The following ATP2B1 variants were observed in gnomAD, a reference collection of about 807,000 sequenced individuals.
ATP2B1 encodes plasma membrane calcium-transporting ATPase 1.
A neutral mutation model predicts 124.2 loss-of-function variants in ATP2B1; 14 were observed. That is an observed-to-expected ratio of 0.11 (90% CI 0.07 to 0.18). The LOEUF is 0.18. ATP2B1 is among the 10% of genes least tolerant of loss of function. The probability of loss-of-function intolerance (pLI) is 1.00; values close to 1 mark genes in which losing one functional copy is unlikely to be tolerated. For synonymous variants in ATP2B1, 449 were observed against 492.4 expected (o/e 0.91, Z 1.17); for missense variants, 763 against 1,466.1 (o/e 0.52, Z 7.83).
intron 1 of ATP2B1, among the ~76,000 whole-genome samples, chr12:89,682,990 G>T (rs1889541432): frequency 6.6e-6 from 1 of 152,022 alleles, no homozygotes; most frequent in African/African-American, 2.4e-5. Context: ...AGGGAAAAAA[G>T]AATCAAATCT....
chr12:89,681,374 C>T (rs938906328), intron 1 of ATP2B1, among the ~76,000 whole-genome samples: 2 of 139,870 alleles, frequency 1.4e-5, no homozygotes, highest in African/African-American at 5.2e-5. Context: ...AAAGAAAAAT[C>T]CCTATAAATT....
Position 89,642,373 on chromosome 12 carries a change from A to T in ATP2B1, c.209-18T>A. ...ACTTAAACCTAATAAAAAGAAACAA[A>T]TTTCAGTGAACAGTTTTACTTCTTA... On this transcript the variant is annotated intron_variant, in intron 2 of 20. Coordinates refer to ENST00000428670, the MANE Select transcript of ATP2B1 (RefSeq NM_001366521.1). 1 of 1,581,746 alleles carries T rather than the reference A, an allele frequency of 6.3e-7. No individual in the cohort carries two copies. The highest frequency in any genetic ancestry group is 8.6e-7 in the Non-Finnish European group (1 of 1,161,354).
At chr12:89,618,496 T>C (rs147461959) in intron 11 of ATP2B1, among the ~76,000 whole-genome samples, 1 of 152,342 alleles carries the variant, frequency 6.6e-6, no homozygotes, top group Non-Finnish European at 1.5e-5. Flanking sequence ...CTAAACCATC[T>C]ATCTACTACC....
At chr12:89,655,593 C>T in intron 2 of ATP2B1, 86 bp downstream of exon 2, 1 of 1,294,796 alleles carries the variant, frequency 7.7e-7, no homozygotes. Context: ...ATACAATCGC[C>T]AAGATAATAT....
intron 1 of ATP2B1, among the ~76,000 whole-genome samples, chr12:89,707,830 G>A (rs1230196038): frequency 6.6e-6 from 1 of 152,154 alleles, no homozygotes; most frequent in Admixed American, 6.5e-5. Context: ...GGATTCTCCC[G>A]CAGGATGGGA....
At chr12:89,708,860 AAGG>A (rs1166275399), upstream of ATP2B1, 2 of 151,824 alleles carry the variant, frequency 1.3e-5, no homozygotes, top group East Asian at 1.9e-4. Context: ...GGCGGCAGCG[AAGG>A]AGGAGGAGGC....
intron 2 of ATP2B1, among the ~76,000 whole-genome samples, chr12:89,649,990 A>T (rs1015897721): frequency 6.6e-6 from 1 of 152,080 alleles, no homozygotes; most frequent in Non-Finnish European, 1.5e-5. Context: ...CCATGAGTAA[A>T]ATCTCCCTGA....
intron 1 of ATP2B1, among the ~76,000 whole-genome samples, chr12:89,697,463 C>T (rs1891283959): frequency 6.6e-6 from 1 of 152,098 alleles, no homozygotes; most frequent in African/African-American, 2.4e-5. Flanking sequence ...CTCACTTCTG[C>T]TTTTGTAAAA....
Position 89,703,176 on chromosome 12 carries a change from T to C in ATP2B1, c.-222+5420A>G, listed in dbSNP as rs565125575. Among the ~76,000 whole-genome samples the C allele has an allele frequency of 4.6e-5, 7 of 152,318 alleles. No individual in the cohort carries two copies. The East Asian group carries it at 1.3e-3, about 29-fold the overall frequency. Reference sequence around the variant, plus strand: ...TGCAGATACAGGCTATTTGCTATACTGTTATAAATGAAGCAAAAAACAACT... The same window carrying C: ...TGCAGATACAGGCTATTTGCTATACCGTTATAAATGAAGCAAAAAACAACT... On this transcript the variant is annotated intron_variant, in intron 1 of 20. Coordinates refer to ENST00000428670, the MANE Select transcript of ATP2B1 (RefSeq NM_001366521.1).
At chr12:89,677,973 C>CAT (rs1443431391) in intron 1 of ATP2B1, among the ~76,000 whole-genome samples, 6 of 44,696 alleles carry the variant, frequency 1.3e-4, no homozygotes, top group Non-Finnish European at 2.9e-4. Flanking sequence ...TATATATATA[C>CAT]ACACACACAC....
At chr12:89,629,437 G>A (rs796683661) in intron 6 of ATP2B1, among the ~76,000 whole-genome samples, 1 of 152,224 alleles carries the variant, frequency 6.6e-6, no homozygotes, top group African/African-American at 2.4e-5. Flanking sequence ...CTTAAGAAAC[G>A]TATGGAAGCA....
At chr12:89,620,435 C>T (rs1341038145) in intron 10 of ATP2B1, among the ~76,000 whole-genome samples, 195 bp from the exon 11 acceptor site, 1 of 152,112 alleles carries the variant, frequency 6.6e-6, no homozygotes, top group Non-Finnish European at 1.5e-5. Flanking sequence ...AATCTCAGTC[C>T]TGCCAGTTAC....
rs35349730 is a variant in ATP2B1, at chr12:89,604,242, A to G, written c.2547T>C (p.Tyr849=). ...VKAVMWGRNV[Y]DSISKFLQFQ... is the part of the protein sequence containing the mutation. ...ACTGAAGGAATTTTGAGATGCTGTC[A>G]TAGACATTTCGTCCCCACATAACTG... The change falls in exon 16 of 21, where the codon TAT becomes TAC. Residue 849 remains tyrosine, a synonymous_variant. Transcript: ENST00000428670. 21,635 of 1,614,074 alleles carry G rather than the reference A, an allele frequency of 0.013. 181 individuals carry two copies. The highest frequency in any genetic ancestry group is 0.017 in the Non-Finnish European group (19,650 of 1,179,966).
chr12:89,652,471 C>T (rs1478356617), intron 2 of ATP2B1, among the ~76,000 whole-genome samples: 1 of 152,124 alleles, frequency 6.6e-6, no homozygotes, highest in Non-Finnish European at 1.5e-5. Flanking sequence ...TCAGTTTTAC[C>T]TAACTGAAAT....
chr12:89,707,782 C>T (rs1426754795), intron 1 of ATP2B1, among the ~76,000 whole-genome samples: 1 of 152,116 alleles, frequency 6.6e-6, no homozygotes, highest in East Asian at 1.9e-4. Flanking sequence ...CTGGTGACCG[C>T]GGCGCAGAAC....
chr12:89,679,404 C>T (rs1169358330), intron 1 of ATP2B1, among the ~76,000 whole-genome samples: 1 of 152,142 alleles, frequency 6.6e-6, no homozygotes, highest in Admixed American at 6.6e-5. Context: ...AAAAAATTCA[C>T]TTCATACCGT....
At chr12:89,666,094 G>C (rs1592917062) in intron 1 of ATP2B1, among the ~76,000 whole-genome samples, 1 of 152,234 alleles carries the variant, frequency 6.6e-6, no homozygotes, top group South Asian at 2.1e-4. Context: ...TTCCAGCTGT[G>C]ATTATTAAAG....
At chr12:89,631,061 C>T (rs1347479091) in intron 5 of ATP2B1, among the ~76,000 whole-genome samples, 1 of 152,016 alleles carries the variant, frequency 6.6e-6, no homozygotes, top group African/African-American at 2.4e-5. Context: ...TGTGAGCCAC[C>T]ATGTCTTGAT....
chr12:89,633,154 C>A (rs1882136931), intron 5 of ATP2B1, among the ~76,000 whole-genome samples: 1 of 151,988 alleles, frequency 6.6e-6, no homozygotes, highest in Non-Finnish European at 1.5e-5. Context: ...AGAAGCATGG[C>A]AAGGTAAGTA....
Sources: allele counts gnomAD v4.1 joint callset (sites outside exome capture counted in the v4.1 genomes callset), GRCh38; gene constraint gnomAD v4.1.1; transcripts MANE v1.5; gene names NCBI Gene and HGNC (gene_info 2026-07-23, HGNC 2026-07-21).